The following NXN variants were observed in gnomAD, a reference collection of about 807,000 sequenced individuals.
NXN encodes nucleoredoxin 1.
In NXN, 16 loss-of-function variants were observed where a neutral mutation model predicts 48.6. The observed-to-expected ratio is 0.33, with a 90% CI of 0.22 to 0.50. The LOEUF (loss-of-function observed/expected upper bound fraction) is 0.50. NXN is among the 20% of genes least tolerant of loss of function. The probability of loss-of-function intolerance (pLI) is 0.98; values close to 1 mark genes in which losing one functional copy is unlikely to be tolerated. For synonymous variants in NXN, 281 were observed against 269.6 expected (o/e 1.04, Z -0.41); for missense variants, 492 against 605.5 (o/e 0.81, Z 1.97).
In NXN at chr17:801,083, C is replaced by A. The variant is rs148684832; in HGVS notation, c.1174G>T (p.Ala392Ser). 82 of 1,573,964 alleles carry A rather than the reference C, an allele frequency of 5.2e-5. No homozygotes were observed. Among genetic ancestry groups the A allele is most frequent in the Non-Finnish European group, 6.9e-5 (80 of 1,159,186 alleles). Reference protein sequence around the residue: ...LRDYTNLPEAAPLLTILDMSA... With the variant: ...LRDYTNLPEASPLLTILDMSA... ...ATGTCCAGGATGGTGAGCAAAGGGGCAGCCTCAGGCAGGTTGGTGTAATCT... is the reference window on the plus strand; with the variant it reads ...ATGTCCAGGATGGTGAGCAAAGGGGAAGCCTCAGGCAGGTTGGTGTAATCT... The change falls in exon 8 of 8, where the codon GCC becomes TCC. Residue 392 changes from alanine (A) to serine (S), a missense_variant. Around this residue, in one of 3 missense-constraint regions of NXN, gnomAD observed 303 missense variants for 388.3 expected, o/e 0.78. Coordinates refer to ENST00000336868, the MANE Select transcript of NXN (RefSeq NM_022463.5).
chr17:930,977 GT>G (rs2068847311), intron 1 of NXN, among the ~76,000 whole-genome samples: 2 of 152,080 alleles, frequency 1.3e-5, no homozygotes, highest in Admixed American at 1.3e-4. Flanking sequence ...CACCATGTTG[GT>G]CAGGCTGGTC....
At chr17:846,853 A>G (rs1291751456) in intron 1 of NXN, among the ~76,000 whole-genome samples, 2 of 151,610 alleles carry the variant, frequency 1.3e-5, no homozygotes, top group Non-Finnish European at 2.9e-5. Context: ...AAGGAGAAAA[A>G]AGGAGAAAAA....
At position 922,093 on chromosome 17, in the gene NXN, G is replaced by C. The variant is rs763104457; in HGVS notation, c.360+57226C>G. On this transcript the variant is annotated intron_variant, in intron 1 of 7. Transcript: ENST00000336868. ...GAAACCCTTTTCAGCGGGTAACTGT[G>C]ACTTTGTTGGCCAACAGAAACGGGT... is the stretch of plus-strand genomic sequence containing the variant. Among the ~76,000 whole-genome samples the C allele has an allele frequency of 3.3e-5, 5 of 152,190 alleles. No individual in the cohort carries two copies. The South Asian group carries it at 1.0e-3, about 32-fold the overall frequency.
At chr17:829,590 T>G (rs1375304111) in intron 1 of NXN, among the ~76,000 whole-genome samples, 1 of 151,978 alleles carries the variant, frequency 6.6e-6, no homozygotes, top group Non-Finnish European at 1.5e-5. Context: ...CCGCATGCAT[T>G]AGGTATTTCT....
chr17:825,886 C>G lies in NXN; in HGVS notation c.478+75G>C. 1.1e-6 allele frequency: 1 copy of G among 909,418 alleles called. No individual in the cohort carries two copies. The highest frequency in any genetic ancestry group is 1.7e-6 in the Non-Finnish European group (1 of 572,704). 56.3% of individuals were successfully genotyped at this position (909,418 alleles called of 1,614,324 possible). On this transcript the variant is annotated intron_variant, in intron 2 of 7. Transcript: ENST00000336868. The surrounding 1 kb of genome is among the most constrained non-coding windows in gnomAD (Gnocchi z 4.1). The stretch of plus-strand genomic sequence containing the variant: ...ACCAGTACTCTCTCCACCGGTGGGA[C>G]GGAGATTAGCCTAAGGGCATGGAGG...
intron 1 of NXN, among the ~76,000 whole-genome samples, chr17:899,668 C>T (rs1294153853): frequency 6.6e-6 from 1 of 152,108 alleles, no homozygotes; most frequent in African/African-American, 2.4e-5. Flanking sequence ...GATTTAGGTA[C>T]AGGGTTTCTT....
At chr17:812,608 TTGTGTGAGTGTAGG>T (rs1381495863) in intron 5 of NXN, among the ~76,000 whole-genome samples, 35 of 151,354 alleles carry the variant, frequency 2.3e-4, no homozygotes, top group African/African-American at 8.3e-4. Context: ...CGAGTGTGCA[TTGTGTGAGTGTAGG>T]TGAGTGTAGG....
chr17:929,760 A>G (rs2068835230), intron 1 of NXN: 1 of 152,130 alleles, frequency 6.6e-6, no homozygotes. Flanking sequence ...CTGCTCTGGA[A>G]AGAGCGTTTG....
chr17:817,263 A>G (rs1912518297), intron 5 of NXN, among the ~76,000 whole-genome samples: 1 of 152,302 alleles, frequency 6.6e-6, no homozygotes, highest in East Asian at 1.9e-4. Context: ...GGTGATTCTC[A>G]TATGTACTTG....
In NXN at chr17:847,820, T is replaced by C. The variant is rs1245970835; in HGVS notation, c.361-21742A>G. Among the ~76,000 whole-genome samples, 4 of 152,142 alleles carry C rather than the reference T, an allele frequency of 2.6e-5. No homozygotes were observed. In the East Asian group the frequency reaches 7.7e-4, roughly 29 times the overall value. ...TGGAAAAGATGAAATTCAAGACAGA[T>C]GTGTGAGACCCGCAAACATATGTCT... On this transcript the variant is annotated intron_variant, in intron 1 of 7. Coordinates refer to ENST00000336868, the MANE Select transcript of NXN (RefSeq NM_022463.5).
chr17:955,815 T>C (rs1597274357), intron 1 of NXN, among the ~76,000 whole-genome samples: 1 of 151,182 alleles, frequency 6.6e-6, no homozygotes, highest in South Asian at 2.1e-4. Context: ...GGCAGGAGAA[T>C]GGCGTGAACC....
At chr17:889,950 C>G (rs574564556) in intron 1 of NXN, among the ~76,000 whole-genome samples, 14 of 152,256 alleles carry the variant, frequency 9.2e-5, no homozygotes, top group South Asian at 4.1e-4. Flanking sequence ...CACGTACCCC[C>G]ACTCACAAAG....
At chr17:971,672 T>C (rs1360005508) in intron 1 of NXN, among the ~76,000 whole-genome samples, 1 of 151,488 alleles carries the variant, frequency 6.6e-6, no homozygotes, top group African/African-American at 2.4e-5. Context: ...ATCGCGCCAC[T>C]GCACTCCAGC....
At chr17:862,068 C>A (rs1010002727) in intron 1 of NXN, among the ~76,000 whole-genome samples, 1 of 152,026 alleles carries the variant, frequency 6.6e-6, no homozygotes, top group African/African-American at 2.4e-5. Context: ...TGAGCTCAAG[C>A]GATCTACCAG....
At chr17:918,708 G>A (rs993145937) in intron 1 of NXN, among the ~76,000 whole-genome samples, 1 of 148,260 alleles carries the variant, frequency 6.7e-6, no homozygotes. Context: ...CACGAGAATC[G>A]CTTGCACCCG....
intron 1 of NXN, among the ~76,000 whole-genome samples, chr17:968,547 G>A (rs569535700): frequency 6.6e-5 from 10 of 152,196 alleles, no homozygotes; most frequent in Admixed American, 6.5e-4. Flanking sequence ...TCTAGCCTGG[G>A]CAACACAGCA....
chr17:853,777 C>G (rs192670089), intron 1 of NXN, among the ~76,000 whole-genome samples: 1 of 144,756 alleles, frequency 6.9e-6, no homozygotes, highest in African/African-American at 2.6e-5. Context: ...GGCTGGAGTG[C>G]AGTGGTGCGA....
intron 1 of NXN, among the ~76,000 whole-genome samples, chr17:886,249 C>A (rs1255705251): frequency 6.6e-6 from 1 of 152,172 alleles, no homozygotes; most frequent in South Asian, 2.1e-4. Flanking sequence ...TTCTTAGAAT[C>A]TCTCCAACAT....
At chr17:907,754 G>C (rs1468250303) in intron 1 of NXN, 2 of 141,960 alleles carry the variant, frequency 1.4e-5, no homozygotes, top group African/African-American at 2.6e-5. Flanking sequence ...TTCTCAAGTT[G>C]ACACAGGCAT....
Sources: allele counts gnomAD v4.1 joint callset (sites outside exome capture counted in the v4.1 genomes callset), GRCh38; gene constraint gnomAD v4.1.1; regional missense constraint gnomAD v4.1.1; non-coding constraint Gnocchi (gnomAD v3.1); transcripts MANE v1.5; gene names NCBI Gene and HGNC (gene_info 2026-07-23, HGNC 2026-07-21).